The following LRRTM4 variants were observed in gnomAD, a reference collection of about 807,000 sequenced individuals.
The protein encoded by LRRTM4 is leucine-rich repeat transmembrane neuronal protein 4.
In LRRTM4, 25 loss-of-function variants were observed where a neutral mutation model predicts 47.6. That is an observed-to-expected ratio of 0.53 (90% CI 0.38 to 0.73). The LOEUF is 0.73. LRRTM4 is among the 30% of genes least tolerant of loss of function. The pLI is 0.00. For missense variants in LRRTM4, 638 were observed against 713.4 expected (o/e 0.89, Z 1.20); for synonymous variants, 311 against 269.5 (o/e 1.15, Z -1.51).
At chr2:77,030,738 T>C (rs1356975793) in intron 3 of LRRTM4, among the ~76,000 whole-genome samples, 1 of 152,198 alleles carries the variant, frequency 6.6e-6, no homozygotes, top group Admixed American at 6.5e-5. Context: ...ATTATTTCCT[T>C]CCAGTAATAT....
intron 3 of LRRTM4, among the ~76,000 whole-genome samples, chr2:76,851,798 A>G (rs1672005700): frequency 7.2e-6 from 1 of 137,944 alleles, no homozygotes; most frequent in African/African-American, 2.7e-5. Context: ...ATGCACCTCT[A>G]AGACCCTGTT....
At chr2:77,432,296 T>C (rs1005207025) in intron 3 of LRRTM4, among the ~76,000 whole-genome samples, 10 of 152,196 alleles carry the variant, frequency 6.6e-5, no homozygotes, top group Non-Finnish European at 1.2e-4. Flanking sequence ...TAAGGATTCA[T>C]TCCTGTGTCT....
intron 3 of LRRTM4, among the ~76,000 whole-genome samples, chr2:76,752,483 T>C (rs1672885906): frequency 1.3e-5 from 2 of 152,216 alleles, no homozygotes; most frequent in Admixed American, 6.5e-5. Flanking sequence ...TCATTTTCTC[T>C]ATTGTAATTG....
chr2:77,035,777 C>T (rs139383419), intron 3 of LRRTM4, among the ~76,000 whole-genome samples: 1 of 151,620 alleles, frequency 6.6e-6, no homozygotes, highest in Non-Finnish European at 1.5e-5. Context: ...AGTAATTTAC[C>T]TGTTGGAGAG....
chr2:76,900,445 C>G (rs553733215), intron 3 of LRRTM4, among the ~76,000 whole-genome samples: 2 of 152,016 alleles, frequency 1.3e-5, no homozygotes, highest in Non-Finnish European at 2.9e-5. Flanking sequence ...AGTCATTGCT[C>G]ACATTAAGTT....
intron 3 of LRRTM4, among the ~76,000 whole-genome samples, chr2:77,410,662 T>A (rs1173392630): frequency 6.6e-6 from 1 of 152,170 alleles, no homozygotes; most frequent in East Asian, 1.9e-4. Context: ...TAGGGATACA[T>A]GTATTGGAAA....
intron 3 of LRRTM4, among the ~76,000 whole-genome samples, chr2:76,794,946 C>CTGA (rs1558657722): frequency 6.6e-6 from 1 of 152,040 alleles, no homozygotes; most frequent in Non-Finnish European, 1.5e-5. Context: ...TGTGTAGACA[C>CTGA]TGATAGAAGA....
chr2:77,274,210 T>C (rs1243902544), intron 3 of LRRTM4, among the ~76,000 whole-genome samples: 1 of 152,090 alleles, frequency 6.6e-6, no homozygotes, highest in Non-Finnish European at 1.5e-5. Context: ...TTGTTTCATT[T>C]ACCATTCTAT....
chr2:77,411,398 CTTCTTTA>C (rs1674416471), intron 3 of LRRTM4, among the ~76,000 whole-genome samples: 1 of 149,772 alleles, frequency 6.7e-6, no homozygotes, highest in East Asian at 2.0e-4. Context: ...CTCTTTCTTT[CTTCTTTA>C]TTTCTCTCTT....
At chr2:77,084,558 T>C (rs1478834347) in intron 3 of LRRTM4, among the ~76,000 whole-genome samples, 1 of 152,218 alleles carries the variant, frequency 6.6e-6, no homozygotes. Context: ...TTTATGCATG[T>C]TTTAACAATT....
chr2:77,321,832 A>C (rs566505942), intron 3 of LRRTM4, among the ~76,000 whole-genome samples: 11 of 152,222 alleles, frequency 7.2e-5, no homozygotes, highest in African/African-American at 2.6e-4. Context: ...GGAGCTTTAA[A>C]AGACTGTTAA....
At chr2:77,032,254 G>A (rs966302518) in intron 3 of LRRTM4, among the ~76,000 whole-genome samples, 3 of 151,956 alleles carry the variant, frequency 2.0e-5, no homozygotes, top group Non-Finnish European at 4.4e-5. Context: ...TGTTACGTAG[G>A]TAACTCTTTT....
At chr2:77,023,060 C>A (rs1678330390) in intron 3 of LRRTM4, among the ~76,000 whole-genome samples, 1 of 152,256 alleles carries the variant, frequency 6.6e-6, no homozygotes, top group African/African-American at 2.4e-5. Context: ...CTTCTGAAAT[C>A]TAGGCAGAGG....
intron 3 of LRRTM4, among the ~76,000 whole-genome samples, chr2:77,048,582 A>G (rs1292814039): frequency 6.6e-6 from 1 of 152,006 alleles, no homozygotes; most frequent in Non-Finnish European, 1.5e-5. Context: ...CCTATTTTGA[A>G]TACATTTACT....
intron 3 of LRRTM4, among the ~76,000 whole-genome samples, chr2:76,934,229 G>C (rs1483908867): frequency 3.9e-5 from 6 of 152,078 alleles, no homozygotes; most frequent in Non-Finnish European, 7.4e-5. Context: ...GATAATAAAA[G>C]AGAGCATTAT....
intron 3 of LRRTM4, among the ~76,000 whole-genome samples, chr2:77,238,834 C>A (rs1675182801): frequency 6.6e-6 from 1 of 151,652 alleles, no homozygotes; most frequent in Admixed American, 6.6e-5. Context: ...AAATGTCAAA[C>A]CAGGGTACTA....
chr2:77,207,372 T>TATATATATATATATATAC (rs59335400), intron 3 of LRRTM4, among the ~76,000 whole-genome samples: 17 of 131,100 alleles, frequency 1.3e-4, no homozygotes, highest in African/African-American at 5.2e-4. Flanking sequence ...TATATATATA[T>TATATATATATATATATAC]ACACACACAC....
chr2:77,222,538 C>A (rs1404176059), intron 3 of LRRTM4, among the ~76,000 whole-genome samples: 5 of 152,048 alleles, frequency 3.3e-5, no homozygotes, highest in Admixed American at 3.3e-4. Context: ...ACCGCCAATC[C>A]CACAGAACTA....
chr2:76,796,538 A>C (rs1465733064), intron 3 of LRRTM4, among the ~76,000 whole-genome samples: 1 of 125,974 alleles, frequency 7.9e-6, no homozygotes, highest in Non-Finnish European at 1.6e-5. Context: ...AGGCACCCCC[A>C]AGCACGGGCA....
Sources: allele counts gnomAD v4.1 joint callset (sites outside exome capture counted in the v4.1 genomes callset), GRCh38; gene constraint gnomAD v4.1.1; transcripts MANE v1.5; gene names NCBI Gene and HGNC (gene_info 2026-07-23, HGNC 2026-07-21).